Variants in FMN1 observed in about 807,000 individuals in gnomAD.
FMN1 encodes formin 1.
A neutral mutation model predicts 132.4 loss-of-function variants in FMN1; 110 were observed. The ratio of observed to expected loss-of-function variants is 0.83; its 90% CI spans 0.71 to 0.97. FMN1 has a LOEUF of 0.97. Among genes scored for constraint, FMN1 ranks in the 50% least tolerant of loss-of-function variants. The probability of loss-of-function intolerance (pLI) is 0.00; values close to 1 mark genes in which losing one functional copy is unlikely to be tolerated. For missense variants in FMN1, 1,792 were observed against 1,705.3 expected (o/e 1.05, Z -0.90); for synonymous variants, 722 against 651.7 (o/e 1.11, Z -1.64).
chr15:33,048,637 A>AC (rs2036807713), intron 6 of FMN1, among the ~76,000 whole-genome samples: 1 of 143,696 alleles, frequency 7.0e-6, no homozygotes, highest in African/African-American at 2.6e-5. Flanking sequence ...TTACCAAAAA[A>AC]AAAAAAAAAA....
intron 17 of FMN1, among the ~76,000 whole-genome samples, chr15:32,833,081 G>A (rs187833805): frequency 2.0e-3 from 297 of 151,806 alleles, no homozygotes; most frequent in Non-Finnish European, 3.0e-3. Context: ...CTTCTCCACC[G>A]CCACCACTCC....
chr15:32,871,967 T>C (rs1596139033), intron 16 of FMN1, among the ~76,000 whole-genome samples: 1 of 151,662 alleles, frequency 6.6e-6, no homozygotes, highest in East Asian at 1.9e-4. Context: ...TGGTGATATA[T>C]GAGAGTTGAT....
chr15:32,963,655 A>G (rs1239106022), intron 9 of FMN1, among the ~76,000 whole-genome samples: 1 of 152,224 alleles, frequency 6.6e-6, no homozygotes, highest in Non-Finnish European at 1.5e-5. Flanking sequence ...AATACTTGTT[A>G]AATGAATGAA....
At chr15:32,932,383 A>G (rs977785641) in intron 9 of FMN1, among the ~76,000 whole-genome samples, 3 of 152,242 alleles carry the variant, frequency 2.0e-5, no homozygotes, top group Admixed American at 6.5e-5. Context: ...CCTAGGAAAC[A>G]GAGTGAGACA....
At chr15:33,179,129 G>T (rs1158741105) in intron 3 of FMN1, among the ~76,000 whole-genome samples, 1 of 152,052 alleles carries the variant, frequency 6.6e-6, no homozygotes, top group African/African-American at 2.4e-5. Flanking sequence ...GAACAAAATT[G>T]GCTTTCCACC....
intron 4 of FMN1, among the ~76,000 whole-genome samples, chr15:33,131,318 G>A: frequency 1.8e-5 from 2 of 110,430 alleles, no homozygotes; most frequent in Non-Finnish European, 3.4e-5. Flanking sequence ...GACAGAGTGA[G>A]ACTCCATCTC....
At position 33,155,073 on chromosome 15, in the gene FMN1, G is replaced by A. The variant is rs181717771; in HGVS notation, c.-131-28C>T. ...GTTAGAGGAACAGGGGAAGAAAGCA[G>A]CTTGTCTAACAGAGTGCATAAATCA... On this transcript the variant is annotated intron_variant, in intron 3 of 20. Transcript: ENST00000616417. The A allele has an allele frequency of 7.9e-3, 4,871 of 613,020 alleles. 29 individuals carry two copies. The highest frequency in any genetic ancestry group is 0.014 in the Middle Eastern group (32 of 2,278). The allele number at this position is 613,020 out of a possible 1,614,324, so 38.0% of individuals were successfully genotyped here.
chr15:32,935,591 C>T (rs1009998464), intron 9 of FMN1, among the ~76,000 whole-genome samples: 3 of 151,914 alleles, frequency 2.0e-5, no homozygotes, highest in African/African-American at 7.3e-5. Context: ...GTCTATTGAT[C>T]TGCTTGACGG....
chr15:32,893,209 AC>A (rs1444910698), intron 15 of FMN1, among the ~76,000 whole-genome samples: 4 of 152,180 alleles, frequency 2.6e-5, no homozygotes, highest in African/African-American at 9.7e-5. Context: ...TTATTTTACT[AC>A]TTTAAAATGG....
chr15:33,057,612 C>T (rs947903079), intron 6 of FMN1, among the ~76,000 whole-genome samples: 4 of 152,174 alleles, frequency 2.6e-5, no homozygotes, highest in African/African-American at 4.8e-5. Flanking sequence ...GATGCTCAAA[C>T]CCATGAACCC....
At chr15:33,164,554 G>A (rs989909973) in intron 3 of FMN1, among the ~76,000 whole-genome samples, 4 of 152,152 alleles carry the variant, frequency 2.6e-5, no homozygotes, top group East Asian at 1.9e-4. Context: ...CAAGGTGTGC[G>A]CATTGAAGAT....
chr15:33,066,704 T>G (rs936693435), intron 5 of FMN1: 2 of 1,613,676 alleles, frequency 1.2e-6, no homozygotes, highest in African/African-American at 2.7e-5. Flanking sequence ...CGACTTTGGC[T>G]TGACCTCACC....
chr15:33,023,497 G>A (rs1213366432), intron 6 of FMN1, among the ~76,000 whole-genome samples: 1 of 152,080 alleles, frequency 6.6e-6, no homozygotes, highest in African/African-American at 2.4e-5. Flanking sequence ...AACACACTAA[G>A]AGACAAGAAA....
At chr15:33,006,838 G>A (rs76516299) in intron 7 of FMN1, among the ~76,000 whole-genome samples, 90 of 152,126 alleles carry the variant, frequency 5.9e-4, no homozygotes, top group African/African-American at 1.9e-3. Context: ...TAAAAAAGTC[G>A]AACTCGCAGG....
chr15:33,136,109 G>A (rs949934258), intron 4 of FMN1, among the ~76,000 whole-genome samples: 54 of 152,220 alleles, frequency 3.5e-4, no homozygotes, highest in African/African-American at 1.3e-3. Flanking sequence ...CTTAAGTTCA[G>A]AGCAGATGGC....
chr15:33,003,581 T>C (rs1478695695), intron 7 of FMN1, among the ~76,000 whole-genome samples: 1 of 152,144 alleles, frequency 6.6e-6, no homozygotes, highest in East Asian at 1.9e-4. Flanking sequence ...TCTATGCTCA[T>C]GGGTAAGAAT....
At chr15:33,179,913 T>C (rs1427141949) in intron 3 of FMN1, among the ~76,000 whole-genome samples, 1 of 152,184 alleles carries the variant, frequency 6.6e-6, no homozygotes, top group East Asian at 1.9e-4. Flanking sequence ...CTTGAGTGAC[T>C]AGAAAAAAGT....
chr15:32,998,409 C>T (rs1291374422), intron 7 of FMN1, among the ~76,000 whole-genome samples: 1 of 152,112 alleles, frequency 6.6e-6, no homozygotes, highest in Non-Finnish European at 1.5e-5. Flanking sequence ...GATGCAGGGG[C>T]CCACTCTTTT....
At chr15:32,952,471 C>T (rs899465) in intron 9 of FMN1, among the ~76,000 whole-genome samples, 149,331 of 152,324 alleles carry the variant, frequency 0.98, 73,272 homozygotes, top group East Asian at 1. Context: ...TTTATGTTCC[C>T]GAATTGGACA....
Sources: gnomAD v4.1 joint callset for allele counts (sites outside exome capture counted in the v4.1 genomes callset) on GRCh38, gnomAD v4.1.1 for gene constraint, MANE v1.5 for transcripts, NCBI Gene and HGNC (gene_info 2026-07-23, HGNC 2026-07-21) for gene names.